Variants in ELL observed in about 807,000 individuals in gnomAD.
The protein encoded by ELL is RNA polymerase II elongation factor ELL.
ELL carries 18 observed loss-of-function variants against 64.0 expected under a neutral mutation model. The observed-to-expected ratio is 0.28, with a 90% CI of 0.19 to 0.42. The LOEUF (loss-of-function observed/expected upper bound fraction) is 0.42. Ranked by LOEUF, ELL falls within the 10% of genes least tolerant of loss-of-function variation. The probability of loss-of-function intolerance (pLI) is 1.00; values close to 1 mark genes in which losing one functional copy is unlikely to be tolerated. For synonymous variants in ELL, 399 were observed against 376.2 expected, an observed-to-expected ratio of 1.06 and a Z score of -0.70; for missense variants, 797 against 870.4, an observed-to-expected ratio of 0.92 and a Z score of 1.06.
intron 1 of ELL, among the ~76,000 whole-genome samples, chr19:18,479,364 C>T (rs767577051): frequency 6.6e-6 from 1 of 152,192 alleles, no homozygotes; most frequent in Non-Finnish European, 1.5e-5. Context: ...AGACCTGCTC[C>T]CTTCAACAAA....
chr19:18,506,148 T>G (rs1050144425), intron 1 of ELL, among the ~76,000 whole-genome samples: 1 of 152,162 alleles, frequency 6.6e-6, no homozygotes, highest in Middle Eastern at 3.2e-3. Context: ...CCCCTGGCAC[T>G]CAGGCCATGC....
intron 1 of ELL, among the ~76,000 whole-genome samples, chr19:18,498,545 G>A (rs373431666): frequency 2.0e-5 from 3 of 152,192 alleles, no homozygotes; most frequent in Non-Finnish European, 4.4e-5. Flanking sequence ...GCAGTGTCAC[G>A]ACCAGGACAG....
In ELL at chr19:18,465,559, G is replaced by A. The variant is rs1192737883; in HGVS notation, c.322C>T (p.Leu108=). ...QYVSSHGEVH[L]DCLGSIQDKI... ...TCCTGTATGCTGCCCAGGCAGTCCA[G>A]GTGAACTTCCCCATGACTGCAAGAC... Residue 108 remains leucine (L), a synonymous_variant, in exon 4 of 12, where the codon CTG becomes TTG. Coordinates refer to ENST00000262809, the MANE Select transcript of ELL (RefSeq NM_006532.4). 6.3e-7 allele frequency: 1 copy of A among 1,598,116 alleles called. No individual in the cohort carries two copies. The highest frequency in any genetic ancestry group is 8.6e-7 in the Non-Finnish European group (1 of 1,168,122).
intron 1 of ELL, among the ~76,000 whole-genome samples, chr19:18,489,001 C>T (rs1301217541): frequency 2.0e-5 from 3 of 152,234 alleles, no homozygotes; most frequent in Non-Finnish European, 2.9e-5. Context: ...GACCGACTTC[C>T]GTCATCCCAC....
At chr19:18,460,606 A>G (rs1482039489) in intron 5 of ELL, among the ~76,000 whole-genome samples, 1 of 152,230 alleles carries the variant, frequency 6.6e-6, no homozygotes, top group Non-Finnish European at 1.5e-5. Context: ...AGGAATGTGG[A>G]ACAGGGTCCC....
chr19:18,503,916 G>A (rs1457305505), intron 1 of ELL, among the ~76,000 whole-genome samples: 2 of 152,152 alleles, frequency 1.3e-5, no homozygotes, highest in Non-Finnish European at 2.9e-5. Flanking sequence ...CCTGGCCAAG[G>A]TTAAGGACAC....
At chr19:18,513,914 G>A (rs946434254) in intron 1 of ELL, among the ~76,000 whole-genome samples, 2 of 152,174 alleles carry the variant, frequency 1.3e-5, no homozygotes, top group African/African-American at 4.8e-5. Flanking sequence ...CTGGGCGACA[G>A]AGCGAGACTC....
At position 18,501,978 on chromosome 19, in the gene ELL, T is replaced by G. The variant is rs1291145609; in HGVS notation, c.135+19943A>C. Reference sequence around the variant, plus strand: ...GGTCCTGGGGCCTCATGAGGGTGGTTTGGGGTCAGAAGACACACGATCAGG... The same window carrying G: ...GGTCCTGGGGCCTCATGAGGGTGGTGTGGGGTCAGAAGACACACGATCAGG... On this transcript the variant is annotated intron_variant, in intron 1 of 11. Transcript: ENST00000262809. The surrounding 1 kb of genome is among the most constrained non-coding windows in gnomAD (Gnocchi z 4.5). Among the ~76,000 whole-genome samples the G allele has an allele frequency of 6.6e-6, 1 of 151,934 alleles. No homozygotes were observed. Among genetic ancestry groups the G allele is most frequent in the Non-Finnish European group, 1.5e-5 (1 of 67,984 alleles).
chr19:18,465,329 G>A, intron 4 of ELL, 83 bp downstream of exon 4: 3 of 1,498,044 alleles, frequency 2.0e-6, no homozygotes, highest in Non-Finnish European at 2.7e-6. Context: ...CACAGCCAGT[G>A]CCCAGCCTGG....
chr19:18,509,583 G>GCA (rs772773311), intron 1 of ELL, among the ~76,000 whole-genome samples: 2,503 of 110,792 alleles, frequency 0.023, 82 homozygotes, highest in African/African-American at 0.07. Flanking sequence ...CAATGCACGT[G>GCA]CGCGCGCGCG....
intron 1 of ELL, among the ~76,000 whole-genome samples, chr19:18,493,466 T>C: frequency 6.6e-6 from 1 of 152,232 alleles, no homozygotes; most frequent in East Asian, 1.9e-4. Context: ...CAGGGCCTGG[T>C]GCTCCAACTT....
chr19:18,508,928 G>A (rs181575855), intron 1 of ELL, among the ~76,000 whole-genome samples: 119 of 152,234 alleles, frequency 7.8e-4, no homozygotes, highest in Middle Eastern at 3.4e-3. Context: ...CTCTGTCCGC[G>A]TCCTAACAAG....
intron 1 of ELL, among the ~76,000 whole-genome samples, chr19:18,485,757 C>T (rs535179563): frequency 2.6e-5 from 4 of 152,178 alleles, no homozygotes; most frequent in Middle Eastern, 3.4e-3. Flanking sequence ...AGAGCCAAGA[C>T]GAGCGGATCA....
Position 18,451,612 on chromosome 19 carries a change from A to G in ELL, c.906T>C (p.Leu302=). ...LCQPQSTGSL[L]GDPAASSPPG... Reference sequence around the variant, plus strand: ...GGGGGCTGGAGGCAGCAGGGTCTCCAAGGAGGCTGCCAGTGCTCTGTGGCT... The same window carrying G: ...GGGGGCTGGAGGCAGCAGGGTCTCCGAGGAGGCTGCCAGTGCTCTGTGGCT... Residue 302 remains leucine, a synonymous_variant, in exon 7 of 12, where the codon CTT becomes CTC. Transcript: ENST00000262809. 6.7e-7 allele frequency: 1 copy of G among 1,502,864 alleles called. No individual in the cohort carries two copies. Among genetic ancestry groups the G allele is most frequent in the Non-Finnish European group, 8.8e-7 (1 of 1,132,252 alleles). 93.1% of individuals were successfully genotyped at this position (1,502,864 alleles called of 1,614,324 possible).
At chr19:18,474,343 C>T (rs1261084685) in intron 1 of ELL, among the ~76,000 whole-genome samples, 1 of 152,208 alleles carries the variant, frequency 6.6e-6, no homozygotes, top group Non-Finnish European at 1.5e-5. Context: ...TGGGAGGCAC[C>T]GAGTGCCTCA....
chr19:18,491,249 A>ATTTTTTT (rs565016319), intron 1 of ELL, among the ~76,000 whole-genome samples: 5 of 72,474 alleles, frequency 6.9e-5, no homozygotes, highest in Non-Finnish European at 1.4e-4. Flanking sequence ...CACCTGGCTA[A>ATTTTTTT]TTTTTTTTTT....
intron 1 of ELL, among the ~76,000 whole-genome samples, chr19:18,476,362 G>T (rs17211392): frequency 0.08 from 12,117 of 152,300 alleles, 699 homozygotes; most frequent in Non-Finnish European, 0.12. Flanking sequence ...GCCAGTTAGG[G>T]TGACAAGGGA....
chr19:18,502,040 CCCACA>C (rs1975789174), intron 1 of ELL, among the ~76,000 whole-genome samples: 1 of 152,138 alleles, frequency 6.6e-6, no homozygotes, highest in Admixed American at 6.5e-5. Context: ...TGGAGTGCGT[CCCACA>C]GAGGCATGAG....
At chr19:18,498,665 G>C (rs949700302) in intron 1 of ELL, among the ~76,000 whole-genome samples, 3 of 152,140 alleles carry the variant, frequency 2.0e-5, no homozygotes, top group African/African-American at 4.8e-5. Flanking sequence ...GCTGGGTTAA[G>C]AACACAGAAA....
Sources: gnomAD v4.1 joint callset for allele counts (sites outside exome capture counted in the v4.1 genomes callset) on GRCh38, gnomAD v4.1.1 for gene constraint, Gnocchi (gnomAD v3.1) non-coding constraint, MANE v1.5 for transcripts, NCBI Gene and HGNC (gene_info 2026-07-23, HGNC 2026-07-21) for gene names.